FBXL7: variants seen among roughly 807,000 people sequenced by gnomAD.
The protein encoded by FBXL7 is F-box and leucine rich repeat protein 7.
A neutral mutation model predicts 38.3 loss-of-function variants in FBXL7; 12 were observed. The ratio of observed to expected loss-of-function variants is 0.31; its 90% CI spans 0.20 to 0.51. The LOEUF is 0.51. FBXL7 is among the 20% of genes least tolerant of loss of function. The pLI is 0.98. For synonymous variants in FBXL7, 297 were observed against 300.9 expected, an observed-to-expected ratio of 0.99 and a Z score of 0.13; for missense variants, 567 against 676.4, an observed-to-expected ratio of 0.84 and a Z score of 1.79.
At chr5:15,565,027 G>A (rs974380373) in intron 1 of FBXL7, among the ~76,000 whole-genome samples, 2 of 151,900 alleles carry the variant, frequency 1.3e-5, no homozygotes, top group African/African-American at 4.8e-5. Context: ...AACATTTATA[G>A]GTGTTTTCAA....
At chr5:15,743,785 G>A (rs770675706) in intron 2 of FBXL7, among the ~76,000 whole-genome samples, 3 of 152,226 alleles carry the variant, frequency 2.0e-5, no homozygotes, top group Non-Finnish European at 4.4e-5. Context: ...TGGACATCGG[G>A]TGTTTTCATA....
At chr5:15,538,776 G>T (rs779161902) in intron 1 of FBXL7, among the ~76,000 whole-genome samples, 1 of 152,134 alleles carries the variant, frequency 6.6e-6, no homozygotes, top group African/African-American at 2.4e-5. Flanking sequence ...GGGCAGCAGT[G>T]GATCAATGGA....
intron 2 of FBXL7, among the ~76,000 whole-genome samples, chr5:15,635,790 T>C (rs1181852008): frequency 6.6e-6 from 1 of 152,158 alleles, no homozygotes; most frequent in Non-Finnish European, 1.5e-5. Context: ...ACAAACCTGC[T>C]CAGACGTCTG....
intron 1 of FBXL7, among the ~76,000 whole-genome samples, chr5:15,551,705 A>G (rs769668105): frequency 9.9e-5 from 15 of 152,144 alleles, no homozygotes; most frequent in Non-Finnish European, 1.8e-4. Context: ...AATCCATTTT[A>G]TGCCTCTTCA....
intron 1 of FBXL7, among the ~76,000 whole-genome samples, chr5:15,587,656 C>T (rs1043739590): frequency 6.6e-6 from 1 of 152,040 alleles, no homozygotes; most frequent in Non-Finnish European, 1.5e-5. Flanking sequence ...AACTAAGGTA[C>T]CTCAAATTTA....
intron 2 of FBXL7, among the ~76,000 whole-genome samples, chr5:15,843,185 G>T (rs1738795817): frequency 6.6e-6 from 1 of 152,084 alleles, no homozygotes; most frequent in Non-Finnish European, 1.5e-5. Context: ...AATATAAAAT[G>T]ATGAGCATAT....
intron 1 of FBXL7, among the ~76,000 whole-genome samples, chr5:15,610,022 A>G (rs2126508358): frequency 6.6e-6 from 1 of 152,348 alleles, no homozygotes; most frequent in Admixed American, 6.5e-5. Flanking sequence ...GGCAGCAGGC[A>G]AGAGAGAATA....
chr5:15,740,122 T>C (rs1425171529), intron 2 of FBXL7, among the ~76,000 whole-genome samples: 1 of 152,338 alleles, frequency 6.6e-6, no homozygotes, highest in Non-Finnish European at 1.5e-5. Context: ...CTAAGCCCCC[T>C]TTTTAAGTCC....
intron 2 of FBXL7, among the ~76,000 whole-genome samples, chr5:15,914,119 G>GCT (rs2126431257): frequency 6.6e-6 from 1 of 152,290 alleles, no homozygotes; most frequent in Admixed American, 6.5e-5. Flanking sequence ...GGGCGTGGTG[G>GCT]CTCACGCCTG....
chr5:15,844,859 C>A (rs1738849861), intron 2 of FBXL7, among the ~76,000 whole-genome samples: 1 of 152,166 alleles, frequency 6.6e-6, no homozygotes, highest in Admixed American at 6.5e-5. Context: ...CATTCACAGA[C>A]CACTCCTGCA....
intron 2 of FBXL7, among the ~76,000 whole-genome samples, chr5:15,750,852 G>A (rs924417998): frequency 1.3e-5 from 2 of 152,188 alleles, no homozygotes; most frequent in African/African-American, 4.8e-5. Context: ...AGATAGCAGT[G>A]AGAAGCTCAT....
chr5:15,914,781 G>A (rs1006169312), intron 2 of FBXL7, among the ~76,000 whole-genome samples: 1 of 152,132 alleles, frequency 6.6e-6, no homozygotes, highest in African/African-American at 2.4e-5. Flanking sequence ...TTCTCCCCTT[G>A]GTGCATTAGT....
intron 2 of FBXL7, among the ~76,000 whole-genome samples, chr5:15,755,428 T>TTC (rs1229408815): frequency 1.3e-5 from 2 of 151,944 alleles, no homozygotes; most frequent in East Asian, 1.9e-4. Context: ...GTGTGTGATT[T>TTC]TCTCTCTCTC....
At chr5:15,560,665 C>G (rs187649692) in intron 1 of FBXL7, among the ~76,000 whole-genome samples, 110 of 152,254 alleles carry the variant, frequency 7.2e-4, no homozygotes, top group African/African-American at 2.4e-3. Context: ...GCCCGTGACC[C>G]AGCTTAAAGA....
intron 2 of FBXL7, among the ~76,000 whole-genome samples, chr5:15,668,231 T>C (rs2126593403): frequency 6.6e-6 from 1 of 152,340 alleles, no homozygotes; most frequent in South Asian, 2.1e-4. Context: ...TACATTGAAC[T>C]GTTCCCTATG....
intron 2 of FBXL7, among the ~76,000 whole-genome samples, chr5:15,887,431 T>G (rs1289306466): frequency 6.6e-6 from 1 of 152,202 alleles, no homozygotes; most frequent in African/African-American, 2.4e-5. Flanking sequence ...TTCCCCTACA[T>G]GTCAAAAATG....
At chr5:15,888,779 G>A (rs1025291657) in intron 2 of FBXL7, among the ~76,000 whole-genome samples, 4 of 152,008 alleles carry the variant, frequency 2.6e-5, no homozygotes, top group Admixed American at 6.6e-5. Flanking sequence ...TTTTGCCTTC[G>A]ATCAAGAGTT....
At chr5:15,877,339 C>T (rs1740251840) in intron 2 of FBXL7, among the ~76,000 whole-genome samples, 1 of 152,152 alleles carries the variant, frequency 6.6e-6, no homozygotes, top group Non-Finnish European at 1.5e-5. Flanking sequence ...TGCATAGTTT[C>T]TATTGACTTT....
Position 15,921,380 on chromosome 5 carries a change from CAAA to C in FBXL7, c.128-6493_128-6491del, listed in dbSNP as rs56077834. ...TGGGTGACAGAACAAGACTCCATCT[CAAA>C]AAAAAAAAAAAAAAAATCAACCAGC... is the stretch of plus-strand genomic sequence containing the variant. On this transcript the variant is annotated intron_variant, in intron 2 of 3. Transcript: ENST00000504595. 3.1e-3 allele frequency among the ~76,000 whole-genome samples: 391 copies of C among 124,608 alleles called. 1 individual carries two copies. Among genetic ancestry groups the C allele is most frequent in the African/African-American group, 5.8e-3 (196 of 33,966 alleles). 81.7% of individuals were successfully genotyped at this position (124,608 alleles called of 152,430 possible). A position where few individuals can be genotyped will look rare whatever the true frequency, so the allele number is the denominator to read the frequency against.
Sources: gnomAD v4.1 joint callset for allele counts (sites outside exome capture counted in the v4.1 genomes callset) on GRCh38, gnomAD v4.1.1 for gene constraint, MANE v1.5 for transcripts, NCBI Gene and HGNC (gene_info 2026-07-23, HGNC 2026-07-21) for gene names.